The following SPATS2L variants were observed in gnomAD, a reference collection of about 807,000 sequenced individuals.
SPATS2L encodes SPATS2-like protein.
Under a neutral mutation model 59.6 loss-of-function variants are expected in SPATS2L, and 30 were observed. The observed-to-expected ratio is 0.50, with a 90% CI of 0.38 to 0.68. The LOEUF (loss-of-function observed/expected upper bound fraction) is 0.68, where lower values mean the gene tolerates loss of function less well. SPATS2L is among the 30% of genes least tolerant of loss of function. The pLI is 0.00. For synonymous variants in SPATS2L, 252 were observed against 263.5 expected (o/e 0.96, Z 0.42); for missense variants, 615 against 700.0 (o/e 0.88, Z 1.37).
chr2:200,325,030 G>A (rs920147445), intron 1 of SPATS2L, among the ~76,000 whole-genome samples: 1 of 152,096 alleles, frequency 6.6e-6, no homozygotes, highest in African/African-American at 2.4e-5. Flanking sequence ...GCCATATTTT[G>A]TTGAGAATAT....
intron 8 of SPATS2L, among the ~76,000 whole-genome samples, chr2:200,444,166 C>A (rs1559137863): frequency 1.3e-5 from 2 of 152,198 alleles, no homozygotes; most frequent in African/African-American, 2.4e-5. Flanking sequence ...GATTGGCCTC[C>A]TACCACAACT....
chr2:200,441,685 C>A (rs776376147), intron 8 of SPATS2L, among the ~76,000 whole-genome samples: 1 of 152,202 alleles, frequency 6.6e-6, no homozygotes, highest in African/African-American at 2.4e-5. Context: ...GACCCCCTCA[C>A]AGCTGCCAGA....
At chr2:200,468,595 G>C (rs961931286) in intron 10 of SPATS2L, among the ~76,000 whole-genome samples, 2 of 152,160 alleles carry the variant, frequency 1.3e-5, no homozygotes, top group Admixed American at 6.5e-5. Context: ...GGCGTCAGTG[G>C]CCTTTCCCTC....
At position 200,419,433 on chromosome 2, in the gene SPATS2L, A is replaced by G. The variant is rs757344301; in HGVS notation, c.382A>G (p.Ile128Val). Residue 128 changes from isoleucine to valine, a missense_variant, in exon 6 of 13, where the codon ATC becomes GTC. Physicochemically the swap from Ile to Val is conservative, Grantham distance 29 (BLOSUM62 3). Around this residue, in one of 3 missense-constraint regions of SPATS2L, gnomAD observed 227 missense variants for 257.4 expected, o/e 0.88. Coordinates refer to ENST00000409140, the MANE Select transcript of SPATS2L (RefSeq NM_001100423.2). ...TTCTGCTAACGAAAAACCAGCCCTT[A>G]TCCCTCGTGAGAAAAAGATCTCGAT... is the stretch of plus-strand genomic sequence containing the variant. ...TDSANEKPALIPREKKISILE... is the reference protein window; with the variant it reads ...TDSANEKPALVPREKKISILE... 8.1e-6 allele frequency: 13 copies of G among 1,613,744 alleles called. 1 individual carries two copies. The highest frequency in any genetic ancestry group is 1.1e-5 in the Non-Finnish European group (13 of 1,179,844).
chr2:200,387,655 T>A (rs888854916), intron 2 of SPATS2L, among the ~76,000 whole-genome samples: 2 of 152,196 alleles, frequency 1.3e-5, no homozygotes, highest in Non-Finnish European at 2.9e-5. Context: ...TTGCAAGTTA[T>A]CCCTAGCATG....
chr2:200,410,502 G>A (rs2082840601), intron 3 of SPATS2L, among the ~76,000 whole-genome samples: 1 of 152,082 alleles, frequency 6.6e-6, no homozygotes, highest in South Asian at 2.1e-4. Flanking sequence ...TGTACGATCT[G>A]GTCCCTGCCC....
At chr2:200,416,872 G>T (rs1043719746) in intron 5 of SPATS2L, among the ~76,000 whole-genome samples, 2 of 152,138 alleles carry the variant, frequency 1.3e-5, no homozygotes, top group South Asian at 2.1e-4. Flanking sequence ...CTTTTTGGCC[G>T]AATTCTAAGG....
intron 2 of SPATS2L, among the ~76,000 whole-genome samples, chr2:200,347,477 A>G (rs1020714146): frequency 2.6e-5 from 4 of 152,204 alleles, no homozygotes; most frequent in African/African-American, 9.6e-5. Context: ...GCCCAGCAAG[A>G]AAAAGTCCAT....
At chr2:200,360,052 T>C (rs1446100776) in intron 2 of SPATS2L, among the ~76,000 whole-genome samples, 1 of 152,174 alleles carries the variant, frequency 6.6e-6, no homozygotes, top group Non-Finnish European at 1.5e-5. Context: ...ATAAAGTATG[T>C]GATATATTAA....
At chr2:200,332,222 T>C (rs530421244) in intron 2 of SPATS2L, among the ~76,000 whole-genome samples, 27 of 151,722 alleles carry the variant, frequency 1.8e-4, no homozygotes, top group Non-Finnish European at 3.5e-4. Flanking sequence ...GAATCAGCTT[T>C]AGTAAGTTTA....
Position 200,481,501 on chromosome 2 carries a change from G to T in SPATS2L, c.*3470G>T. 1 of 152,344 alleles carries T rather than the reference G, an allele frequency of 6.6e-6. No individual in the cohort carries two copies. The allele number at this position is 152,344 out of a possible 1,614,324, so 9.4% of individuals were successfully genotyped here. A position where few individuals can be genotyped will look rare whatever the true frequency, so the allele number is the denominator to read the frequency against. On this transcript the variant is annotated 3_prime_UTR_variant, in exon 13 of 13. Transcript: ENST00000409140. ...AGGCACAGGTCCGCAACCAGATAGG[G>T]AGATGCCTGAATTTCAGGCTACCTT...
chr2:200,430,581 C>T (rs921356682), intron 6 of SPATS2L, among the ~76,000 whole-genome samples: 1 of 151,822 alleles, frequency 6.6e-6, no homozygotes. Context: ...TTTTACTTAA[C>T]GTGAGATTAT....
chr2:200,423,859 T>C (rs2083413227), intron 6 of SPATS2L, among the ~76,000 whole-genome samples: 1 of 152,232 alleles, frequency 6.6e-6, no homozygotes, highest in African/African-American at 2.4e-5. Context: ...TCAGGATCTC[T>C]CTTTTTAAAA....
chr2:200,475,662 G>T (rs2087459143), intron 12 of SPATS2L, among the ~76,000 whole-genome samples: 1 of 152,112 alleles, frequency 6.6e-6, no homozygotes, highest in Non-Finnish European at 1.5e-5. Context: ...TAGTGATTTG[G>T]GGGCCCCAAG....
chr2:200,440,600 C>A (rs1476860509), intron 7 of SPATS2L, 49 bp from the exon 8 acceptor site: 1 of 1,570,614 alleles, frequency 6.4e-7, no homozygotes, highest in Non-Finnish European at 8.7e-7. Context: ...AGCTTACAAA[C>A]AAAGGATTAA....
intron 8 of SPATS2L, among the ~76,000 whole-genome samples, chr2:200,441,498 T>A (rs1231818957): frequency 6.6e-6 from 1 of 152,214 alleles, no homozygotes; most frequent in Non-Finnish European, 1.5e-5. Context: ...CTGATATACA[T>A]GAAAATTACA....
upstream of SPATS2L, chr2:200,306,655 AGGGGCGGGAGTGTCCCTGCGT>A (rs2079021396): frequency 1.0e-6 from 1 of 985,068 alleles, no homozygotes; most frequent in African/African-American, 1.8e-5. Flanking sequence ...GCAGCCTGCG[AGGGGCGGGAGTGTCCCTGCGT>A]GGGGCGGCCG....
chr2:200,319,493 A>AG (rs2079488868), intron 1 of SPATS2L, among the ~76,000 whole-genome samples: 1 of 150,052 alleles, frequency 6.7e-6, no homozygotes, highest in Admixed American at 6.7e-5. Context: ...TGAACCCCAA[A>AG]GGTGGAGGTT....
intron 2 of SPATS2L, among the ~76,000 whole-genome samples, chr2:200,354,382 G>C (rs566818798): frequency 3.9e-4 from 60 of 152,288 alleles, no homozygotes; most frequent in African/African-American, 1.4e-3. Context: ...ACCGAGGTGG[G>C]AGGACTGCTT....
Sources: gnomAD v4.1 joint callset for allele counts (sites outside exome capture counted in the v4.1 genomes callset) on GRCh38, gnomAD v4.1.1 for gene constraint, gnomAD v4.1.1 regional missense constraint, MANE v1.5 for transcripts, NCBI Gene and HGNC (gene_info 2026-07-23, HGNC 2026-07-21) for gene names.